Variants in RAPGEF1 observed in about 807,000 individuals in gnomAD.
RAPGEF1 encodes the protein Rap guanine nucleotide exchange factor 1.
A neutral mutation model predicts 143.3 loss-of-function variants in RAPGEF1; 33 were observed. That is an observed-to-expected ratio of 0.23 (90% CI 0.17 to 0.31). The LOEUF is 0.31. RAPGEF1 is among the 10% of genes least tolerant of loss of function. The pLI is 1.00. For synonymous variants in RAPGEF1, 629 were observed against 676.5 expected (o/e 0.93, Z 1.09); for missense variants, 1,199 against 1,645.4 (o/e 0.73, Z 4.69).
At chr9:131,643,778 C>T (rs1038207396) in intron 3 of RAPGEF1, among the ~76,000 whole-genome samples, 2 of 152,192 alleles carry the variant, frequency 1.3e-5, no homozygotes, top group African/African-American at 4.8e-5. Context: ...TGGAGAAGCA[C>T]CAGTCAAGGC....
At chr9:131,622,462 C>G (rs1961422366) in intron 10 of RAPGEF1, among the ~76,000 whole-genome samples, 1 of 152,144 alleles carries the variant, frequency 6.6e-6, no homozygotes, top group East Asian at 1.9e-4. Context: ...AACTAGTCAA[C>G]AAATCAAGGA....
intron 1 of RAPGEF1, among the ~76,000 whole-genome samples, chr9:131,698,589 G>C (rs1245803650): frequency 6.6e-6 from 1 of 152,228 alleles, no homozygotes; most frequent in Non-Finnish European, 1.5e-5. Flanking sequence ...CTGTTAGAAG[G>C]GCGGGTAGAA....
At position 131,587,960 on chromosome 9, in the gene RAPGEF1, C is replaced by A; in HGVS notation, c.3120G>T (p.Glu1040Asp). ...CCTGTACCTCTATTTTATAGAAGAG[C>A]TCAGCATCCAGCAGCGTTAGCTGCT... ...IAEQLTLLDA[E>D]LFYKIEIPEV... Residue 1040 changes from glutamate (E) to aspartate (D), a missense_variant, in exon 21 of 27, where the codon GAG becomes GAT. Transcript: ENST00000683357. 6.2e-7 allele frequency: 1 copy of A among 1,612,454 alleles called. No homozygotes were observed. The highest frequency in any genetic ancestry group is 1.7e-5 in the Admixed American group (1 of 59,824).
rs1449025895 is a variant in RAPGEF1 at position 131,641,137 on chromosome 9, T to G, written c.494+2102A>C. On this transcript the variant is annotated intron_variant, in intron 4 of 26. Transcript: ENST00000683357. This position sits in a 1 kb window ranked among gnomAD's most constrained non-coding sequence, Gnocchi z 4.6. Reference sequence around the variant, plus strand: ...TCTTACCCAGGGTTTGCAAGTGACCTCCAAGCAGAGCCTGGCTCTGGGAAG... The same window carrying G: ...TCTTACCCAGGGTTTGCAAGTGACCGCCAAGCAGAGCCTGGCTCTGGGAAG... Among the ~76,000 whole-genome samples the G allele has an allele frequency of 6.6e-6, 1 of 152,044 alleles. No homozygotes were observed. The highest frequency in any genetic ancestry group is 1.5e-5 in the Non-Finnish European group (1 of 68,008).
chr9:131,686,101 C>T (rs943482825), intron 1 of RAPGEF1, among the ~76,000 whole-genome samples: 12 of 152,082 alleles, frequency 7.9e-5, no homozygotes, highest in African/African-American at 1.2e-4. Flanking sequence ...GAATATAAAA[C>T]GAATTCCTTC....
intron 10 of RAPGEF1, among the ~76,000 whole-genome samples, chr9:131,623,960 C>T (rs556526607): frequency 6.6e-6 from 1 of 152,334 alleles, no homozygotes; most frequent in South Asian, 2.1e-4. Flanking sequence ...GGGGAGTGAA[C>T]AGCAGACTGG....
intron 10 of RAPGEF1, among the ~76,000 whole-genome samples, chr9:131,623,867 C>G (rs566434870): frequency 6.6e-6 from 1 of 152,242 alleles, no homozygotes; most frequent in South Asian, 2.1e-4. Flanking sequence ...GCGTTAGCCA[C>G]GCGGCCAGGG....
chr9:131,605,226 T>A (rs1170428715), intron 12 of RAPGEF1, 38 bp from the exon 13 acceptor site: 1 of 1,251,102 alleles, frequency 8.0e-7, no homozygotes, highest in Non-Finnish European at 1.0e-6. Context: ...AAAACGAGAA[T>A]ACAAGAAGAA....
intron 1 of RAPGEF1, among the ~76,000 whole-genome samples, chr9:131,708,222 C>T: frequency 6.6e-6 from 1 of 152,164 alleles, no homozygotes; most frequent in East Asian, 1.9e-4. Flanking sequence ...CATAAACACA[C>T]CCATATATGC....
intron 1 of RAPGEF1, among the ~76,000 whole-genome samples, chr9:131,715,987 C>T (rs1286031326): frequency 1.3e-5 from 2 of 152,100 alleles, no homozygotes; most frequent in Non-Finnish European, 2.9e-5. Flanking sequence ...CCCCAAGTCA[C>T]TGACTCCCAT....
In RAPGEF1 at chr9:131,589,914, C is replaced by G; in HGVS notation, c.2839G>C (p.Val947Leu). ...KKRVSKNTFFVLVRVVDELCL... is the reference protein window; with the variant it reads ...KKRVSKNTFFLLVRVVDELCL... Reference sequence around the variant, plus strand: ...AGCTCATCCACCACCCGTACCAGCACGAAGAACGTGTTCTTGCTGACGCGC... The same window carrying G: ...AGCTCATCCACCACCCGTACCAGCAGGAAGAACGTGTTCTTGCTGACGCGC... Residue 947 changes from valine (V) to leucine (L), a missense_variant, in exon 19 of 27, where the codon GTG becomes CTG. By Grantham distance (32) the Val-to-Leu change is conservative. Coordinates refer to ENST00000683357, the MANE Select transcript of RAPGEF1 (RefSeq NM_001377935.1). 6.2e-7 allele frequency: 1 copy of G among 1,613,856 alleles called. No homozygotes were observed. Among genetic ancestry groups the G allele is most frequent in the Non-Finnish European group, 8.5e-7 (1 of 1,179,818 alleles).
chr9:131,630,419 G>T, intron 5 of RAPGEF1, 95 bp from the exon 6 acceptor site: 1 of 1,223,236 alleles, frequency 8.2e-7, no homozygotes, highest in Non-Finnish European at 1.2e-6. Flanking sequence ...CTGCTGCTGA[G>T]TCTCATTTCT....
intron 12 of RAPGEF1, among the ~76,000 whole-genome samples, chr9:131,609,430 G>A (rs1957659622): frequency 6.6e-6 from 1 of 152,138 alleles, no homozygotes; most frequent in East Asian, 1.9e-4. Flanking sequence ...GACGAGACAG[G>A]CCCTAACCAT....
intron 1 of RAPGEF1, among the ~76,000 whole-genome samples, chr9:131,699,403 C>G (rs767360078): frequency 1.3e-5 from 2 of 152,126 alleles, no homozygotes; most frequent in Non-Finnish European, 2.9e-5. Flanking sequence ...TGCCACCATG[C>G]CTGGCTAATT....
In RAPGEF1 at chr9:131,626,124, C is replaced by A. The variant is rs747924663; in HGVS notation, c.1500G>T (p.Ser500=). The A allele has an allele frequency of 1.2e-6, 2 of 1,613,884 alleles. No individual in the cohort carries two copies. Among genetic ancestry groups the A allele is most frequent in the South Asian group, 1.1e-5 (1 of 91,080 alleles). The change falls in exon 10 of 27, where the codon TCG becomes TCT. Residue 500 remains serine (S), a synonymous_variant. Coordinates refer to ENST00000683357, the MANE Select transcript of RAPGEF1 (RefSeq NM_001377935.1). The part of the protein sequence containing the change: ...GCRVSYERHP[S]QYDNISGEDL... The stretch of plus-strand genomic sequence containing the variant: ...CCTCCCCAGAGATGTTGTCATACTG[C>A]GAGGGATGCCGCTCGTAGGACACCC...
At chr9:131,629,398 C>T (rs1430807183) in intron 6 of RAPGEF1, 144 bp from the exon 7 acceptor site, 6 of 839,804 alleles carry the variant, frequency 7.1e-6, no homozygotes, top group Non-Finnish European at 1.1e-5. Context: ...ATATAGAACC[C>T]TGGGGTTCTG....
chr9:131,614,031 C>T (rs58361415), intron 12 of RAPGEF1, among the ~76,000 whole-genome samples: 7,537 of 152,198 alleles, frequency 0.05, 544 homozygotes, highest in African/African-American at 0.16. Flanking sequence ...GAGGGAGAGG[C>T]CTCAAGGGGG....
At chr9:131,730,368 C>CTGCA (rs2131331690) in intron 1 of RAPGEF1, among the ~76,000 whole-genome samples, 1 of 152,026 alleles carries the variant, frequency 6.6e-6, no homozygotes, top group African/African-American at 2.4e-5. Context: ...ACCCCACATA[C>CTGCA]TGCAGTCTAG....
At chr9:131,659,406 A>G (rs948585086) in intron 1 of RAPGEF1, among the ~76,000 whole-genome samples, 2 of 151,994 alleles carry the variant, frequency 1.3e-5, no homozygotes, top group African/African-American at 4.8e-5. Flanking sequence ...TTTGGTAGAG[A>G]CAGGGTTTCG....
Sources: allele counts gnomAD v4.1 joint callset (sites outside exome capture counted in the v4.1 genomes callset), GRCh38; gene constraint gnomAD v4.1.1; non-coding constraint Gnocchi (gnomAD v3.1); transcripts MANE v1.5; gene names NCBI Gene and HGNC (gene_info 2026-07-23, HGNC 2026-07-21).